STK3: variants seen among roughly 807,000 people sequenced by gnomAD.
The protein encoded by STK3 is serine/threonine kinase 3, also known as serine/threonine-protein kinase 3.
Under a neutral mutation model 58.0 loss-of-function variants are expected in STK3, and 41 were observed. The ratio of observed to expected loss-of-function variants is 0.71; its 90% CI spans 0.55 to 0.92. The LOEUF is 0.92. STK3 is among the 40% of genes least tolerant of loss of function. STK3 has a pLI of 0.00. For missense variants in STK3, 479 were observed against 602.7 expected, an observed-to-expected ratio of 0.79 and a Z score of 2.15; for synonymous variants, 170 against 191.0, an observed-to-expected ratio of 0.89 and a Z score of 0.91.
At chr8:98,410,886 A>G (rs542840931) in intron 3 of STK3, among the ~76,000 whole-genome samples, 99 of 152,318 alleles carry the variant, frequency 6.5e-4, no homozygotes, top group Middle Eastern at 3.4e-3. Flanking sequence ...CCTCAGATCA[A>G]TAGGAGTTTT....
chr8:98,859,564 G>T (rs551825706), intron 3 of STK3, among the ~76,000 whole-genome samples: 1 of 152,230 alleles, frequency 6.6e-6, no homozygotes, highest in African/African-American at 2.4e-5. Context: ...TCAGCACAAG[G>T]TTATTGGAAA....
At chr8:98,659,222 G>A (rs1396137916) in intron 6 of STK3, among the ~76,000 whole-genome samples, 1 of 151,936 alleles carries the variant, frequency 6.6e-6, no homozygotes, top group Non-Finnish European at 1.5e-5. Flanking sequence ...CAAAATTCAA[G>A]GAGTAATATA....
At chr8:98,834,612 C>A (rs1363224729) in intron 3 of STK3, among the ~76,000 whole-genome samples, 1 of 152,210 alleles carries the variant, frequency 6.6e-6, no homozygotes, top group East Asian at 1.9e-4. Context: ...TGAAGGCCAA[C>A]TTCCTGATTC....
chr8:98,926,106 C>T (rs1437164633), intron 1 of STK3, among the ~76,000 whole-genome samples: 1 of 152,136 alleles, frequency 6.6e-6, no homozygotes, highest in Non-Finnish European at 1.5e-5. Flanking sequence ...AGAATGTCTG[C>T]ACTATTTCAA....
In STK3 at chr8:98,895,143, T is replaced by TG. The variant is rs569866194; in HGVS notation, c.-78-11310dup. 1.9e-3 allele frequency among the ~76,000 whole-genome samples: 292 copies of TG among 152,306 alleles called. 1 individual carries two copies. Among genetic ancestry groups the TG allele is most frequent in the African/African-American group, 6.3e-3 (262 of 41,576 alleles). On this transcript the variant is annotated intron_variant, in intron 1 of 1. Transcript: ENST00000519420. ...GACACAGATGTTTATCTGCTCCCTGTGCCAGGTAAAGGGCCACAAAGGGAT... is the reference window on the plus strand; with the variant it reads ...GACACAGATGTTTATCTGCTCCCTGTGGCCAGGTAAAGGGCCACAAAGGGAT...
chr8:98,517,861 C>T (rs1049856131), intron 10 of STK3, among the ~76,000 whole-genome samples: 12 of 152,164 alleles, frequency 7.9e-5, no homozygotes, highest in African/African-American at 2.6e-4. Flanking sequence ...GATGTAATCA[C>T]CCCAATAGTC....
intron 10 of STK3, among the ~76,000 whole-genome samples, chr8:98,458,909 G>A (rs911493235): frequency 1.3e-5 from 2 of 152,134 alleles, no homozygotes; most frequent in African/African-American, 4.8e-5. Flanking sequence ...CCAGTCTTGG[G>A]TATTTCTTTA....
intron 10 of STK3, among the ~76,000 whole-genome samples, chr8:98,517,262 C>T (rs919909543): frequency 1.3e-5 from 2 of 151,926 alleles, no homozygotes; most frequent in African/African-American, 4.8e-5. Flanking sequence ...AACAAGACTA[C>T]TTTGGTTTTG....
chr8:98,687,190 T>C (rs944534268), intron 6 of STK3, among the ~76,000 whole-genome samples: 1 of 152,120 alleles, frequency 6.6e-6, no homozygotes, highest in South Asian at 2.1e-4. Context: ...AAAAGTGTCA[T>C]ATGACCTGTA....
intron 7 of STK3, among the ~76,000 whole-genome samples, chr8:98,593,035 A>G (rs968701734): frequency 1.2e-4 from 19 of 152,164 alleles, no homozygotes; most frequent in African/African-American, 3.6e-4. Flanking sequence ...AAGTGCTGGG[A>G]TTACAGGCGT....
At chr8:98,873,974 C>T (rs568316680) in intron 3 of STK3, among the ~76,000 whole-genome samples, 110 of 152,296 alleles carry the variant, frequency 7.2e-4, no homozygotes, top group Middle Eastern at 6.8e-3. Flanking sequence ...TTTGCAGTGG[C>T]TAGTACCGGT....
intron 1 of STK3, chr8:98,905,627 T>C (rs1368119916): frequency 1.1e-6 from 1 of 877,816 alleles, no homozygotes; most frequent in Non-Finnish European, 1.9e-6. Flanking sequence ...GATCTCCTGC[T>C]CTGTGGCCTC....
chr8:98,587,691 AGTGGGGT>A (rs1814778141), intron 7 of STK3, among the ~76,000 whole-genome samples: 1 of 152,068 alleles, frequency 6.6e-6, no homozygotes, highest in South Asian at 2.1e-4. Context: ...TAATGTTGAC[AGTGGGGT>A]GTTAAAGTCT....
At chr8:98,580,408 A>G (rs1813776425) in intron 7 of STK3, among the ~76,000 whole-genome samples, 1 of 152,222 alleles carries the variant, frequency 6.6e-6, no homozygotes, top group African/African-American at 2.4e-5. Flanking sequence ...TCATTCTGAC[A>G]AAGAGAAGGA....
intron 6 of STK3, among the ~76,000 whole-genome samples, chr8:98,596,661 A>G (rs1302796769): frequency 6.6e-6 from 1 of 152,114 alleles, no homozygotes; most frequent in African/African-American, 2.4e-5. Context: ...TCTCTTTTTA[A>G]ATATGAGTCA....
chr8:98,468,903 G>A (rs1388152280), intron 10 of STK3, among the ~76,000 whole-genome samples: 1 of 152,164 alleles, frequency 6.6e-6, no homozygotes, highest in Non-Finnish European at 1.5e-5. Flanking sequence ...GAGGTCAAGA[G>A]ATCGAGACCA....
chr8:98,737,950 TC>T (rs1828757281), intron 4 of STK3, among the ~76,000 whole-genome samples: 1 of 152,260 alleles, frequency 6.6e-6, no homozygotes, highest in South Asian at 2.1e-4. Context: ...CCTCAGGTGA[TC>T]CACCTGCCTT....
intron 6 of STK3, among the ~76,000 whole-genome samples, chr8:98,676,300 GT>G (rs1272277792): frequency 6.6e-6 from 1 of 152,212 alleles, no homozygotes; most frequent in Non-Finnish European, 1.5e-5. Context: ...ATGTTGCAGA[GT>G]AATACGAAAG....
chr8:98,794,535 T>C (rs1049554203), intron 1 of STK3, among the ~76,000 whole-genome samples: 4 of 152,094 alleles, frequency 2.6e-5, no homozygotes, highest in Non-Finnish European at 5.9e-5. Flanking sequence ...ATTAAAAACT[T>C]ATCAACCAAA....
Sources: allele counts gnomAD v4.1 joint callset (sites outside exome capture counted in the v4.1 genomes callset), GRCh38; gene constraint gnomAD v4.1.1; transcripts MANE v1.5; gene names NCBI Gene and HGNC (gene_info 2026-07-23, HGNC 2026-07-21).